VPS8: variants seen among roughly 807,000 people sequenced by gnomAD.
The protein encoded by VPS8 is VPS8 subunit of CORVET complex.
A neutral mutation model predicts 216.4 loss-of-function variants in VPS8; 129 were observed. The ratio of observed to expected loss-of-function variants is 0.60; its 90% CI spans 0.52 to 0.69. The LOEUF is 0.69. Ranked by LOEUF, VPS8 falls within the 30% of genes least tolerant of loss-of-function variation. The probability of loss-of-function intolerance (pLI) is 0.00; values close to 1 mark genes in which losing one functional copy is unlikely to be tolerated. For synonymous variants in VPS8, 571 were observed against 565.4 expected (o/e 1.01, Z -0.14); for missense variants, 1,531 against 1,683.5 (o/e 0.91, Z 1.59).
intron 45 of VPS8, among the ~76,000 whole-genome samples, chr3:185,004,007 C>T (rs1309427416): frequency 4.6e-5 from 7 of 151,906 alleles, no homozygotes; most frequent in Admixed American, 6.6e-5. Context: ...GGATGGCGGC[C>T]GGGCAGAGAC....
chr3:184,832,749 A>G lies in VPS8; in HGVS notation c.283A>G (p.Ile95Val). ...EDPTLLNIDT[I>V]DSHSYDTSSV... ...TCCTACATTGTTAAACATTGATACT[A>G]TTGATTCTCACTCCTATGATACTTC... Residue 95 changes from isoleucine to valine, a missense_variant, in exon 4 of 48, where the codon ATT becomes GTT. Transcript: ENST00000625842. 6.2e-7 allele frequency: 1 copy of G among 1,608,944 alleles called. No individual in the cohort carries two copies. The highest frequency in any genetic ancestry group is 8.5e-7 in the Non-Finnish European group (1 of 1,177,140).
intron 3 of VPS8, among the ~76,000 whole-genome samples, chr3:184,828,623 T>A (rs1719326745): frequency 6.6e-6 from 1 of 152,228 alleles, no homozygotes; most frequent in Admixed American, 6.5e-5. Flanking sequence ...TGAAACTGTT[T>A]TTTGGCCTCA....
At chr3:184,845,994 C>G (rs1026205055) in intron 8 of VPS8, among the ~76,000 whole-genome samples, 7 of 152,004 alleles carry the variant, frequency 4.6e-5, no homozygotes, top group African/African-American at 1.7e-4. Flanking sequence ...CTCATTTATT[C>G]CTCTTAGCAA....
intron 1 of VPS8, among the ~76,000 whole-genome samples, chr3:184,814,572 C>T (rs2108452776): frequency 6.6e-6 from 1 of 152,192 alleles, no homozygotes; most frequent in South Asian, 2.1e-4. Context: ...ACACAATGGC[C>T]AAGTATTTGT....
At chr3:184,895,141 A>T (rs1265439469) in intron 23 of VPS8, among the ~76,000 whole-genome samples, 4 of 152,132 alleles carry the variant, frequency 2.6e-5, no homozygotes, top group African/African-American at 4.8e-5. Flanking sequence ...CAAGTCAGGG[A>T]TTATGTTGTC....
chr3:184,832,872 C>A, intron 4 of VPS8, 53 bp downstream of exon 4: 1 of 1,562,942 alleles, frequency 6.4e-7, no homozygotes, highest in South Asian at 1.2e-5. Context: ...TCAATTGTTT[C>A]AAATGTAAAT....
At chr3:185,007,125 A>G (rs1332055860) in intron 45 of VPS8, among the ~76,000 whole-genome samples, 1 of 152,214 alleles carries the variant, frequency 6.6e-6, no homozygotes, top group Admixed American at 6.5e-5. Context: ...AAGCACTTTT[A>G]GTCTTCAAAA....
chr3:184,944,558 GC>G (rs1032231803), intron 36 of VPS8: 38 of 985,256 alleles, frequency 3.9e-5, no homozygotes, highest in Middle Eastern at 1.0e-3. Flanking sequence ...TTTTTGTGAG[GC>G]CATGAGCTGC....
rs761098684 is a variant in VPS8 at position 184,940,228 on chromosome 3, G to T, written c.3020G>T (p.Ser1007Ile). Residue 1007 changes from serine (S) to isoleucine (I), a missense_variant, in exon 36 of 48, where the codon AGT (serine) becomes ATT (isoleucine). Physicochemically the swap from Ser to Ile is moderately radical, Grantham distance 142 (BLOSUM62 -2). Around this residue, in one of 3 missense-constraint regions of VPS8, gnomAD observed 1,318 missense variants for 1,468.4 expected, o/e 0.90. Coordinates refer to ENST00000625842, the MANE Select transcript of VPS8 (RefSeq NM_001009921.3). Reference protein sequence around the residue: ...NQVLLFKFLRSLLDPREGIHV... With the variant: ...NQVLLFKFLRILLDPREGIHV... The stretch of plus-strand genomic sequence containing the variant: ...GTTTTGCTTTTCAAATTTTTGAGGA[G>T]TCTTCTTGACCCAAGGTATGTTGAC... The T allele has an allele frequency of 9.2e-5, 137 of 1,481,226 alleles. No individual in the cohort carries two copies. Among genetic ancestry groups the T allele is most frequent in the Non-Finnish European group, 1.2e-4 (132 of 1,107,160 alleles). The allele number at this position is 1,481,226 out of a possible 1,614,324, so 91.8% of individuals were successfully genotyped here. A position where few individuals can be genotyped will look rare whatever the true frequency, so the allele number is the denominator to read the frequency against.
chr3:185,004,767 T>G (rs1229204564), intron 45 of VPS8, among the ~76,000 whole-genome samples: 2 of 152,158 alleles, frequency 1.3e-5, no homozygotes, highest in African/African-American at 4.8e-5. Flanking sequence ...TGTTAGTCCT[T>G]TGTTAGATCC....
intron 39 of VPS8, among the ~76,000 whole-genome samples, chr3:184,967,038 C>A (rs1747537030): frequency 6.6e-6 from 1 of 151,092 alleles, no homozygotes; most frequent in African/African-American, 2.4e-5. Context: ...ACAATCTTGG[C>A]TCACTGCAAC....
intron 8 of VPS8, among the ~76,000 whole-genome samples, chr3:184,845,100 CTT>C (rs1364527035): frequency 6.6e-6 from 1 of 152,132 alleles, no homozygotes; most frequent in Non-Finnish European, 1.5e-5. Flanking sequence ...AATTTAATAA[CTT>C]TTTCCAACTG....
intron 45 of VPS8, among the ~76,000 whole-genome samples, chr3:185,017,131 A>G (rs1460615977): frequency 6.6e-6 from 1 of 152,032 alleles, no homozygotes; most frequent in Non-Finnish European, 1.5e-5. Context: ...CTTCCCTATA[A>G]ACTTATAGGT....
At chr3:184,997,478 A>G (rs769067933) in intron 44 of VPS8, among the ~76,000 whole-genome samples, 6 of 152,232 alleles carry the variant, frequency 3.9e-5, no homozygotes, top group Non-Finnish European at 7.3e-5. Flanking sequence ...GGTAGACTTG[A>G]TGGTTGGAAG....
intron 25 of VPS8, among the ~76,000 whole-genome samples, chr3:184,904,866 G>T (rs1735206548): frequency 6.6e-6 from 1 of 152,124 alleles, no homozygotes; most frequent in East Asian, 1.9e-4. Context: ...ATTATTAGTT[G>T]TTTTGCTCTG....
chr3:184,863,424 T>G (rs1726743266), intron 16 of VPS8, among the ~76,000 whole-genome samples: 1 of 152,070 alleles, frequency 6.6e-6, no homozygotes, highest in Non-Finnish European at 1.5e-5. Context: ...CCTGATAGAT[T>G]TAAGGGATAA....
At chr3:184,950,809 C>G (rs1201047338) in intron 36 of VPS8, among the ~76,000 whole-genome samples, 1 of 152,050 alleles carries the variant, frequency 6.6e-6, no homozygotes, top group Non-Finnish European at 1.5e-5. Context: ...TGAGTGAGAA[C>G]ATCTGATGTT....
intron 37 of VPS8, 37 bp downstream of exon 37, chr3:184,957,558 C>G (rs1341944300): frequency 6.4e-7 from 1 of 1,563,840 alleles, no homozygotes; most frequent in South Asian, 1.2e-5. Flanking sequence ...AGAGTAAACT[C>G]TTCTTAACAT....
intron 5 of VPS8, among the ~76,000 whole-genome samples, chr3:184,838,306 A>G (rs1200475635): frequency 6.6e-6 from 1 of 152,218 alleles, no homozygotes; most frequent in Non-Finnish European, 1.5e-5. Context: ...TAGATAGGAA[A>G]GTCCTACTTA....
Sources: gnomAD v4.1 joint callset for allele counts (sites outside exome capture counted in the v4.1 genomes callset) on GRCh38, gnomAD v4.1.1 for gene constraint, gnomAD v4.1.1 regional missense constraint, MANE v1.5 for transcripts, NCBI Gene and HGNC (gene_info 2026-07-23, HGNC 2026-07-21) for gene names.